The following CSMD3 variants were observed in gnomAD, a reference collection of about 807,000 sequenced individuals.
The protein encoded by CSMD3 is CUB and sushi domain-containing protein 3.
In CSMD3, 177 loss-of-function variants were observed where a neutral mutation model predicts 435.2. The observed-to-expected ratio is 0.41, with a 90% CI of 0.36 to 0.46. The LOEUF is 0.46. CSMD3 is among the 20% of genes least tolerant of loss of function. The pLI is 0.34. For missense variants in CSMD3, 4,265 were observed against 4,504.6 expected (o/e 0.95, Z 1.52); for synonymous variants, 1,656 against 1,520.5 (o/e 1.09, Z -2.07).
intron 38 of CSMD3, among the ~76,000 whole-genome samples, chr8:112,376,873 A>G (rs1218594714): frequency 6.6e-6 from 1 of 152,168 alleles, no homozygotes; most frequent in Non-Finnish European, 1.5e-5. Context: ...GTAAACTGCT[A>G]TGAAAGATTT....
intron 2 of CSMD3, 79 bp downstream of exon 2, chr8:113,314,492 G>C (rs1251207159): frequency 1.2e-6 from 1 of 830,162 alleles, no homozygotes; most frequent in Admixed American, 1.9e-5. Flanking sequence ...CATCACAAAT[G>C]TTAAGCATCT....
intron 10 of CSMD3, among the ~76,000 whole-genome samples, chr8:112,865,684 CCCCA>C (rs34949616): frequency 0.49 from 66,031 of 136,068 alleles, 14,932 homozygotes; most frequent in African/African-American, 0.57. Flanking sequence ...CCTTTACATA[CCCCA>C]CACACACACA....
intron 11 of CSMD3, among the ~76,000 whole-genome samples, chr8:112,846,515 A>C (rs1169333713): frequency 6.6e-6 from 1 of 151,614 alleles, no homozygotes; most frequent in East Asian, 1.9e-4. Flanking sequence ...TGATCCTTCC[A>C]CCCCAGCCTC....
chr8:113,018,807 G>T, intron 6 of CSMD3: 1 of 448,998 alleles, frequency 2.2e-6, no homozygotes, highest in Non-Finnish European at 4.0e-6. Context: ...CTTTATTAAA[G>T]AAAAATATTG....
At chr8:113,286,982 T>G (rs1328518096) in intron 2 of CSMD3, among the ~76,000 whole-genome samples, 2 of 151,852 alleles carry the variant, frequency 1.3e-5, no homozygotes, top group Non-Finnish European at 2.9e-5. Context: ...GAGAGAGATT[T>G]ATTTAAAAAT....
At chr8:112,672,249 T>C (rs151245796) in intron 16 of CSMD3, among the ~76,000 whole-genome samples, 4 of 152,080 alleles carry the variant, frequency 2.6e-5, no homozygotes, top group African/African-American at 7.2e-5. Context: ...TGGGACAGAA[T>C]AGGCAGAGGT....
At chr8:112,247,161 A>G in intron 63 of CSMD3, 30 bp from the exon 64 acceptor site, 1 of 1,373,214 alleles carries the variant, frequency 7.3e-7, no homozygotes, top group Non-Finnish European at 1.0e-6. Context: ...GGAAAAAAAT[A>G]TTCCCCTACA....
intron 3 of CSMD3, among the ~76,000 whole-genome samples, chr8:113,265,568 A>G (rs146126529): frequency 5.1e-3 from 771 of 151,738 alleles, no homozygotes; most frequent in Admixed American, 8.3e-3. Flanking sequence ...TTAATACAGT[A>G]AAAGTGATTT....
At chr8:113,008,355 G>GT (rs1199975028) in intron 6 of CSMD3, among the ~76,000 whole-genome samples, 2 of 151,750 alleles carry the variant, frequency 1.3e-5, no homozygotes, top group Non-Finnish European at 2.9e-5. Flanking sequence ...TTCTCTCAGT[G>GT]TATTTATGTG....
chr8:113,328,055 AGTT>A (rs1405620988), intron 1 of CSMD3, among the ~76,000 whole-genome samples: 1 of 152,026 alleles, frequency 6.6e-6, no homozygotes. Context: ...ATAATGTTGA[AGTT>A]GTGCCCAAAC....
intron 38 of CSMD3, among the ~76,000 whole-genome samples, chr8:112,369,906 A>G (rs367895291): frequency 2.9e-4 from 44 of 151,696 alleles, no homozygotes; most frequent in African/African-American, 9.9e-4. Flanking sequence ...TAAAAATTAA[A>G]TAAATAAATC....
chr8:112,482,381 A>T (rs1819709247), intron 31 of CSMD3, among the ~76,000 whole-genome samples: 1 of 152,236 alleles, frequency 6.6e-6, no homozygotes, highest in African/African-American at 2.4e-5. Context: ...AAAAATTGGG[A>T]TATAATTTAC....
intron 5 of CSMD3, among the ~76,000 whole-genome samples, chr8:113,029,810 C>T (rs1387143568): frequency 6.6e-6 from 1 of 151,352 alleles, no homozygotes; most frequent in Non-Finnish European, 1.5e-5. Flanking sequence ...AAAGGGCATC[C>T]AAATCAGTAA....
intron 59 of CSMD3, among the ~76,000 whole-genome samples, chr8:112,280,260 T>C (rs1265782254): frequency 1.3e-5 from 2 of 152,108 alleles, no homozygotes; most frequent in South Asian, 2.1e-4. Flanking sequence ...TTAGAATCCA[T>C]GAACACACAG....
intron 3 of CSMD3, among the ~76,000 whole-genome samples, chr8:113,222,356 A>C (rs1490622014): frequency 2.0e-5 from 3 of 150,548 alleles, no homozygotes; most frequent in Non-Finnish European, 4.5e-5. Flanking sequence ...TATAAAAAAG[A>C]AGAGTCTTTG....
intron 2 of CSMD3, among the ~76,000 whole-genome samples, chr8:113,292,388 T>A (rs1431297185): frequency 6.6e-6 from 1 of 151,862 alleles, no homozygotes; most frequent in East Asian, 1.9e-4. Context: ...GAAAATTCAA[T>A]AATATATTTT....
chr8:112,381,986 G>T (rs1352217592), intron 37 of CSMD3, among the ~76,000 whole-genome samples: 2 of 152,026 alleles, frequency 1.3e-5, no homozygotes, highest in Non-Finnish European at 2.9e-5. Flanking sequence ...TATTACAGAT[G>T]GGTATGGTGG....
intron 22 of CSMD3, among the ~76,000 whole-genome samples, chr8:112,591,206 T>A (rs879497938): frequency 6.6e-6 from 1 of 152,126 alleles, no homozygotes; most frequent in Non-Finnish European, 1.5e-5. Flanking sequence ...TATTTAAATG[T>A]ACAGATTAAG....
At chr8:112,973,350 C>T (rs1177337659) in intron 7 of CSMD3, among the ~76,000 whole-genome samples, 3 of 151,906 alleles carry the variant, frequency 2.0e-5, no homozygotes, top group Non-Finnish European at 4.4e-5. Context: ...TTAAAAGACT[C>T]ACTCTCTGCA....
Sources: gnomAD v4.1 joint callset for allele counts (sites outside exome capture counted in the v4.1 genomes callset) on GRCh38, gnomAD v4.1.1 for gene constraint, MANE v1.5 for transcripts, NCBI Gene and HGNC (gene_info 2026-07-23, HGNC 2026-07-21) for gene names.